The following CROCC2 variants were observed in gnomAD, a reference collection of about 807,000 sequenced individuals.
The protein encoded by CROCC2 is ciliary rootlet coiled-coil protein 2.
In CROCC2, 163 loss-of-function variants were observed where a neutral mutation model predicts 177.6. That is an observed-to-expected ratio of 0.92 (90% confidence interval 0.81 to 1.05). The LOEUF (loss-of-function observed/expected upper bound fraction) is 1.05, where lower values mean the gene tolerates loss of function less well. Ranked by LOEUF, CROCC2 falls within the 50% of genes least tolerant of loss-of-function variation. The pLI, the probability that CROCC2 is intolerant of heterozygous loss-of-function variation, is 0.00. For missense variants in CROCC2, 1,929 were observed against 1,797.8 expected (o/e 1.07, Z -1.32); for synonymous variants, 904 against 787.3 (o/e 1.15, Z -2.48).
In CROCC2 at chr2:240,988,784, G is replaced by C; in HGVS notation, c.4597G>C (p.Gly1533Arg). ...GAGGGAGGAGGATGTGGCGAGGCTG[G>C]GGGCTGAGAAGGAGCAGCTGGACCA... ...LKREEDVARL[G>R]AEKEQLDQSL... Residue 1533 changes from glycine to arginine, a missense_variant, in exon 29 of 32, where the codon GGG becomes CGG. By Grantham distance (125) the Gly-to-Arg change is moderately radical. This residue lies in a region of CROCC2 where 388 missense variants were observed against 352.7 expected (regional missense o/e 1.10). Transcript: ENST00000690015. 6.6e-7 allele frequency: 1 copy of C among 1,513,276 alleles called. No individual in the cohort carries two copies. Among genetic ancestry groups the C allele is most frequent in the Non-Finnish European group, 8.9e-7 (1 of 1,124,670 alleles). 93.7% of individuals were successfully genotyped at this position (1,513,276 alleles called of 1,614,324 possible). A position where few individuals can be genotyped will look rare whatever the true frequency, so the allele number is the denominator to read the frequency against.
intron 22 of CROCC2, 70 bp from the exon 23 acceptor site, chr2:240,965,311 G>T: frequency 2.0e-6 from 3 of 1,530,228 alleles, no homozygotes; most frequent in Non-Finnish European, 2.6e-6. Context: ...GCGGAGGCAG[G>T]AGGCAGGGAG....
chr2:240,934,715 C>A (rs1254545017), intron 12 of CROCC2, among the ~76,000 whole-genome samples: 3 of 152,372 alleles, frequency 2.0e-5, no homozygotes. Flanking sequence ...GGACCACCAG[C>A]CACCTCCTCT....
Position 240,963,756 on chromosome 2 carries a change from C to T in CROCC2, c.3288C>T (p.Ala1096=), listed in dbSNP as rs76200658. 8.4e-6 allele frequency: 13 copies of T among 1,549,644 alleles called. 1 individual carries two copies. In the South Asian group the frequency reaches 9.5e-5, roughly 11 times the overall value. The change falls in exon 21 of 32, where the codon GCC becomes GCT. Residue 1096 remains alanine, a synonymous_variant. Coordinates refer to ENST00000690015, the MANE Select transcript of CROCC2 (RefSeq NM_001351305.2). ...NSELRATICR[A]EQEKASFKRS... ...AGCTGCGGGCCACCATCTGCAGGGC[C>T]GAACAGGAGAAGGCCAGGTATGGCG...
At chr2:240,926,860 C>T (rs1483457929) in intron 5 of CROCC2, among the ~76,000 whole-genome samples, 3 of 152,268 alleles carry the variant, frequency 2.0e-5, no homozygotes, top group South Asian at 2.1e-4. Flanking sequence ...GAGTCATCGC[C>T]TATGCCAGGC....
At chr2:240,933,063 C>T in intron 9 of CROCC2, 68 bp from the exon 10 acceptor site, 1 of 1,537,384 alleles carries the variant, frequency 6.5e-7, no homozygotes, top group South Asian at 1.2e-5. Context: ...AGTCGCAAGC[C>T]CTGGTGGGCC....
At chr2:240,970,588 G>A (rs1248097945) in intron 27 of CROCC2, among the ~76,000 whole-genome samples, 1 of 152,204 alleles carries the variant, frequency 6.6e-6, no homozygotes, top group Non-Finnish European at 1.5e-5. Context: ...AGGGGCCGAG[G>A]GTCTTGTCCC....
intron 20 of CROCC2, among the ~76,000 whole-genome samples, chr2:240,961,574 T>C (rs183526009): frequency 9.3e-5 from 8 of 85,688 alleles, no homozygotes; most frequent in African/African-American, 2.3e-4. Context: ...CACACACTCA[T>C]CACACATACA....
At chr2:240,915,491 C>A (rs771367907) in intron 1 of CROCC2, among the ~76,000 whole-genome samples, 8 of 152,220 alleles carry the variant, frequency 5.3e-5, no homozygotes, top group Non-Finnish European at 8.8e-5. Flanking sequence ...GGATGGCCAA[C>A]GCTCCCATTT....
chr2:240,982,882 G>A lies in CROCC2; in HGVS notation c.4404G>A (p.Glu1468=). The stretch of plus-strand genomic sequence containing the variant: ...ACCCTGTGTCTCCTTCCCCCCAGGA[G>A]CAACTGGAAACGCTGCGCCAGGCTC... ...AAGQEKRRLQ[E]QLETLRQALE... Residue 1468 remains glutamate, a splice_region_variant and synonymous_variant, in exon 28 of 32, where the codon GAG becomes GAA. Coordinates refer to ENST00000690015, the MANE Select transcript of CROCC2 (RefSeq NM_001351305.2). This position sits in a 1 kb window ranked among gnomAD's most constrained non-coding sequence, Gnocchi z 4.7. 6.5e-7 allele frequency: 1 copy of A among 1,547,672 alleles called. No individual in the cohort carries two copies. Among genetic ancestry groups the A allele is most frequent in the Non-Finnish European group, 8.7e-7 (1 of 1,145,654 alleles).
In CROCC2 at chr2:240,965,834, C is replaced by T. The variant is rs1239656595; in HGVS notation, c.3802C>T (p.Arg1268Ter). ...GGCTCGCCTGGACCAGGCCTGTCAC[C>T]GAATCCACAGCCTGGAGCAGGAGCT... is the stretch of plus-strand genomic sequence containing the variant. ...LQARLDQACH[R>*]IHSLEQELAQ... Residue 1268 changes from arginine (R) to a stop codon, truncating the protein, a stop_gained, in exon 24 of 32, where the codon CGA becomes TGA. Transcript: ENST00000690015. LOFTEE classifies it high-confidence loss of function. The T allele has an allele frequency of 1.4e-5, 20 of 1,454,314 alleles. No homozygotes were observed. The highest frequency in any genetic ancestry group is 5.7e-5 in the African/African-American group (4 of 69,774). The allele number at this position is 1,454,314 out of a possible 1,614,324, so 90.1% of individuals were successfully genotyped here.
At chr2:240,945,851 CATCCACTCAGGGTACCTG>C (rs1306765535) in intron 14 of CROCC2, among the ~76,000 whole-genome samples, 191 bp from the exon 15 acceptor site, 1 of 152,068 alleles carries the variant, frequency 6.6e-6, no homozygotes, top group Non-Finnish European at 1.5e-5. Flanking sequence ...ATACCATCTC[CATCCACTCAGGGTACCTG>C]AGTGGATGCC....
In CROCC2 at chr2:240,925,710, G is replaced by A; in HGVS notation, c.489-14G>A. On this transcript the variant is annotated splice_polypyrimidine_tract_variant and intron_variant, in intron 4 of 31. Transcript: ENST00000690015. Reference sequence around the variant, plus strand: ...CTTCCTACCCCCACCATGCCCTGTGGGTTCTCTGTCCAGGAGCACCGGCCT... The same window carrying A: ...CTTCCTACCCCCACCATGCCCTGTGAGTTCTCTGTCCAGGAGCACCGGCCT... 1 of 709,660 alleles carries A rather than the reference G, an allele frequency of 1.4e-6. No individual in the cohort carries two copies. The highest frequency in any genetic ancestry group is 2.6e-6 in the Non-Finnish European group (1 of 381,296). The allele number at this position is 709,660 out of a possible 1,614,324, so 44.0% of individuals were successfully genotyped here.
intron 27 of CROCC2, among the ~76,000 whole-genome samples, chr2:240,975,853 C>A (rs770325857): frequency 1.3e-5 from 2 of 151,432 alleles, no homozygotes; most frequent in Non-Finnish European, 2.9e-5. Context: ...CCTCAGCCTC[C>A]CAAGTAGCTG....
At chr2:240,931,169 G>A (rs530767849) in intron 7 of CROCC2, 41 bp downstream of exon 7, 57 of 676,240 alleles carry the variant, frequency 8.4e-5, no homozygotes, top group African/African-American at 7.0e-4. Flanking sequence ...GGGAGGGCCC[G>A]GGGGGTCGGG....
chr2:240,974,151 C>T (rs999717577), intron 27 of CROCC2, among the ~76,000 whole-genome samples: 1 of 152,118 alleles, frequency 6.6e-6, no homozygotes, highest in Admixed American at 6.6e-5. Context: ...CGTAGTTGTA[C>T]CTTATTTACA....
chr2:240,907,205 G>T (rs1430826769), intron 1 of CROCC2, among the ~76,000 whole-genome samples: 1 of 152,180 alleles, frequency 6.6e-6, no homozygotes, highest in African/African-American at 2.4e-5. Context: ...CTCAGCCCTA[G>T]TGTCTATTCT....
At position 240,965,398 on chromosome 2, in the gene CROCC2, C is replaced by G; in HGVS notation, c.3483C>G (p.Ala1161=). The part of the protein sequence containing the change: ...ELHRQVRTLK[A]ENQRRSGEAH... Reference sequence around the variant, plus strand: ...GCTCCCAGGTGAGGACACTGAAGGCCGAGAACCAGAGGAGGAGTGGAGAGG... The same window carrying G: ...GCTCCCAGGTGAGGACACTGAAGGCGGAGAACCAGAGGAGGAGTGGAGAGG... Residue 1161 remains alanine, a synonymous_variant, in exon 23 of 32, where the codon GCC becomes GCG. Transcript: ENST00000690015. The G allele has an allele frequency of 1.9e-6, 3 of 1,549,508 alleles. No individual in the cohort carries two copies. Among genetic ancestry groups the G allele is most frequent in the Non-Finnish European group, 2.6e-6 (3 of 1,146,904 alleles).
chr2:240,990,253 C>T (rs139126072), intron 30 of CROCC2, among the ~76,000 whole-genome samples: 122 of 152,334 alleles, frequency 8.0e-4, no homozygotes, highest in Non-Finnish European at 1.4e-3. Context: ...CAATGGCACA[C>T]GTGGCATCTG....
At chr2:240,923,105 A>G (rs1277926296) in intron 4 of CROCC2, among the ~76,000 whole-genome samples, 2 of 152,002 alleles carry the variant, frequency 1.3e-5, no homozygotes, top group East Asian at 1.9e-4. Flanking sequence ...GCTGCTCACC[A>G]TGGGGGACGG....
Sources: allele counts gnomAD v4.1 joint callset (sites outside exome capture counted in the v4.1 genomes callset), GRCh38; gene constraint gnomAD v4.1.1; regional missense constraint gnomAD v4.1.1; non-coding constraint Gnocchi (gnomAD v3.1); transcripts MANE v1.5; gene names NCBI Gene and HGNC (gene_info 2026-07-23, HGNC 2026-07-21).